BLK: variants seen among roughly 807,000 people sequenced by gnomAD.
The protein encoded by BLK is tyrosine-protein kinase Blk.
In BLK, 64 loss-of-function variants were observed where a neutral mutation model predicts 61.8. The observed-to-expected ratio is 1.03, with a 90% CI of 0.85 to 1.27. The LOEUF (loss-of-function observed/expected upper bound fraction) is 1.27. Among genes scored for constraint, BLK ranks in the 50% most tolerant of loss-of-function variants. BLK has a pLI of 0.00. For synonymous variants in BLK, 351 were observed against 272.0 expected (o/e 1.29, Z -2.86); for missense variants, 853 against 660.5 (o/e 1.29, Z -3.19).
chr8:11,554,974 T>C, intron 7 of BLK, 85 bp downstream of exon 7: 1 of 1,548,384 alleles, frequency 6.5e-7, no homozygotes, highest in Non-Finnish European at 8.7e-7. Context: ...TGTGAGTCAT[T>C]GGTGCCACCT....
At chr8:11,555,794 T>G in intron 8 of BLK, 1 of 433,524 alleles carries the variant, frequency 2.3e-6, no homozygotes, top group African/African-American at 2.0e-5. Context: ...GCGCGTTAAC[T>G]CCCCTTAGCT....
At chr8:11,560,660 C>T (rs545075817) in intron 10 of BLK, 12 of 354,146 alleles carry the variant, frequency 3.4e-5, no homozygotes, top group African/African-American at 2.4e-4. Flanking sequence ...AGACAAGTCT[C>T]TTCTTCTTCA....
At chr8:11,508,244 C>T (rs1213670613) in intron 1 of BLK, among the ~76,000 whole-genome samples, 2 of 152,208 alleles carry the variant, frequency 1.3e-5, no homozygotes, top group Admixed American at 6.5e-5. Context: ...GGCGCGAAGG[C>T]TAAGCACATG....
At chr8:11,501,068 G>A (rs1798543513) in intron 1 of BLK, among the ~76,000 whole-genome samples, 1 of 151,990 alleles carries the variant, frequency 6.6e-6, no homozygotes, top group Admixed American at 6.6e-5. Context: ...AATTAGCTGG[G>A]CATGGTGGCA....
intron 1 of BLK, among the ~76,000 whole-genome samples, chr8:11,508,381 C>G (rs1798865249): frequency 6.6e-6 from 1 of 152,214 alleles, no homozygotes. Context: ...CCTCAGAAAA[C>G]CTGGGATCCA....
rs754227902 is a variant in BLK, at chr8:11,549,097, C to T, written c.343C>T (p.Arg115Ter). 44 of 1,609,310 alleles carry T rather than the reference C, an allele frequency of 2.7e-5. No homozygotes were observed. The highest frequency in any genetic ancestry group is 1.3e-4 in the South Asian group (12 of 89,516). Residue 115 changes from arginine to a stop codon, truncating the protein, a stop_gained, in exon 5 of 13, where the codon CGA (arginine) becomes TGA (stop). Coordinates refer to ENST00000259089, the MANE Select transcript of BLK (RefSeq NM_001715.3). LOFTEE classifies it high-confidence loss of function. The part of the protein sequence containing the change: ...EGYVPSNFVA[R>*]VESLEMERWF... Reference sequence around the variant, plus strand: ...CTATGTGCCCAGTAACTTTGTGGCCCGAGTGGAGAGCCTGGAAATGGAAAG... The same window carrying T: ...CTATGTGCCCAGTAACTTTGTGGCCTGAGTGGAGAGCCTGGAAATGGAAAG...
rs763350654 is a variant in BLK at position 11,561,354 on chromosome 8, T to G, written c.1082T>G (p.Leu361Arg). The G allele has an allele frequency of 4.3e-6, 7 of 1,613,978 alleles. No homozygotes were observed. The highest frequency in any genetic ancestry group is 4.2e-6 in the Non-Finnish European group (5 of 1,180,006). The change falls in exon 11 of 13, where the codon CTG becomes CGG. Residue 361 changes from leucine (L) to arginine (R), a missense_variant. Transcript: ENST00000259089. ...CGCATGAATTCCATCCACCGCGACC[T>G]GCGGGCGGCCAACATCCTGGTGTCT... ...IERMNSIHRD[L>R]RAANILVSEA...
chr8:11,505,380 C>T (rs1209267183), intron 1 of BLK, among the ~76,000 whole-genome samples: 1 of 152,126 alleles, frequency 6.6e-6, no homozygotes, highest in Non-Finnish European at 1.5e-5. Flanking sequence ...GCACCCGCTC[C>T]CTCCACCCCT....
intron 2 of BLK, 61 bp from the exon 3 acceptor site, chr8:11,545,991 C>A: frequency 1.9e-6 from 3 of 1,575,128 alleles, no homozygotes; most frequent in Non-Finnish European, 2.6e-6. Context: ...CAGTCTCAAC[C>A]CCCAGGCCCC....
intron 1 of BLK, among the ~76,000 whole-genome samples, chr8:11,540,383 A>G (rs1421695975): frequency 2.0e-5 from 3 of 152,094 alleles, no homozygotes; most frequent in Admixed American, 2.0e-4. Flanking sequence ...TGCTCTGATG[A>G]TTGTTGTCTA....
chr8:11,525,373 T>A (rs961586523), intron 1 of BLK, among the ~76,000 whole-genome samples: 2 of 152,224 alleles, frequency 1.3e-5, no homozygotes, highest in African/African-American at 4.8e-5. Flanking sequence ...GTTAGTAGTT[T>A]GATTTTTACC....
chr8:11,544,028 C>T (rs918110231), intron 2 of BLK, among the ~76,000 whole-genome samples: 2 of 150,964 alleles, frequency 1.3e-5, no homozygotes, highest in Admixed American at 6.6e-5. Context: ...AGTGGTGGGA[C>T]CTTGGCTCAC....
intron 1 of BLK, among the ~76,000 whole-genome samples, chr8:11,516,424 G>A (rs1416499837): frequency 2.0e-5 from 3 of 152,124 alleles, no homozygotes; most frequent in South Asian, 2.1e-4. Flanking sequence ...AAAGTTCACC[G>A]CCCTATTGCT....
chr8:11,543,068 C>T (rs747301563), intron 1 of BLK, among the ~76,000 whole-genome samples, 156 bp from the exon 2 acceptor site: 1 of 152,170 alleles, frequency 6.6e-6, no homozygotes, highest in East Asian at 1.9e-4. Flanking sequence ...CTCACCCACC[C>T]GCTTCTACCC....
At chr8:11,556,406 G>T in intron 8 of BLK, 1 of 541,322 alleles carries the variant, frequency 1.8e-6, no homozygotes, top group East Asian at 3.4e-5. Flanking sequence ...AAGGACACAG[G>T]CCCAGGGTGT....
chr8:11,537,087 G>A (rs2117409707), intron 1 of BLK, among the ~76,000 whole-genome samples: 1 of 152,342 alleles, frequency 6.6e-6, no homozygotes. Flanking sequence ...TTCACATGTG[G>A]AGAGGTCAGT....
intron 10 of BLK, among the ~76,000 whole-genome samples, chr8:11,559,224 G>A (rs1042434944): frequency 6.6e-6 from 1 of 152,054 alleles, no homozygotes; most frequent in Non-Finnish European, 1.5e-5. Context: ...CAGAAAATCA[G>A]AACTTCCCAG....
At chr8:11,522,471 G>C (rs1352861593) in intron 1 of BLK, among the ~76,000 whole-genome samples, 1 of 152,138 alleles carries the variant, frequency 6.6e-6, no homozygotes, top group Non-Finnish European at 1.5e-5. Flanking sequence ...GTGCCACTGA[G>C]GGAACATAGC....
intron 1 of BLK, among the ~76,000 whole-genome samples, chr8:11,515,117 G>A (rs967053597): frequency 6.6e-6 from 1 of 152,204 alleles, no homozygotes; most frequent in Non-Finnish European, 1.5e-5. Flanking sequence ...AGAACTTTCA[G>A]GGTTTTGCCC....
Sources: allele counts gnomAD v4.1 joint callset (sites outside exome capture counted in the v4.1 genomes callset), GRCh38; gene constraint gnomAD v4.1.1; transcripts MANE v1.5; gene names NCBI Gene and HGNC (gene_info 2026-07-23, HGNC 2026-07-21).